The following LINGO2 variants were observed in gnomAD, a reference collection of about 807,000 sequenced individuals.
LINGO2 encodes the protein leucine-rich repeat and immunoglobulin-like domain-containing nogo receptor-interacting protein 2.
In LINGO2, 14 loss-of-function variants were observed where a neutral mutation model predicts 30.6. The observed-to-expected ratio is 0.46, with a 90% confidence interval of 0.30 to 0.72. The LOEUF (loss-of-function observed/expected upper bound fraction) is 0.72. Among genes scored for constraint, LINGO2 ranks in the 30% least tolerant of loss-of-function variants. The pLI is 0.07. For synonymous variants in LINGO2, 317 were observed against 288.5 expected, an observed-to-expected ratio of 1.10 and a Z score of -1.00; for missense variants, 729 against 751.7, an observed-to-expected ratio of 0.97 and a Z score of 0.35.
chr9:28,168,498 G>A (rs1828494331), intron 4 of LINGO2, among the ~76,000 whole-genome samples: 1 of 152,130 alleles, frequency 6.6e-6, no homozygotes, highest in Non-Finnish European at 1.5e-5. Context: ...TGTTTGTTAA[G>A]GAGCTAAAGT....
chr9:27,999,187 A>T (rs77890824), intron 5 of LINGO2, among the ~76,000 whole-genome samples: 1 of 151,970 alleles, frequency 6.6e-6, no homozygotes, highest in South Asian at 2.1e-4. Context: ...GCAAAAAAAA[A>T]CCCAACACTG....
At chr9:29,184,316 A>T in the LINGO2 span, among the ~76,000 whole-genome samples, 1 of 152,170 alleles carries the variant, frequency 6.6e-6, no homozygotes, top group East Asian at 1.9e-4. Context: ...ACTAAAAAAA[A>T]AAAACTTCAT....
At chr9:28,873,144 G>A in the LINGO2 span, among the ~76,000 whole-genome samples, 4 of 151,862 alleles carry the variant, frequency 2.6e-5, no homozygotes, top group South Asian at 2.1e-4. Context: ...CGAGGTGGGC[G>A]GATCACTTGA....
intron 3 of LINGO2, among the ~76,000 whole-genome samples, chr9:28,349,169 GAGA>G (rs1363744034): frequency 6.6e-6 from 1 of 152,228 alleles, no homozygotes; most frequent in Non-Finnish European, 1.5e-5. Flanking sequence ...GACGAGCTGA[GAGA>G]AGAAGGCTTC....
At chr9:28,690,982 T>C in the LINGO2 span, among the ~76,000 whole-genome samples, 1 of 152,190 alleles carries the variant, frequency 6.6e-6, no homozygotes, top group Non-Finnish European at 1.5e-5. Flanking sequence ...TAGATGGTGT[T>C]GTAGATGGAG....
chr9:27,960,999 C>T (rs1012188291), intron 5 of LINGO2, among the ~76,000 whole-genome samples: 3 of 152,072 alleles, frequency 2.0e-5, no homozygotes, highest in Non-Finnish European at 2.9e-5. Context: ...TATAATTTTT[C>T]AACTTTACAA....
In LINGO2 at chr9:28,148,727, G is replaced by A; in HGVS notation, c.-86-136322C>T. 1 of 1,533,774 alleles carries A rather than the reference G, an allele frequency of 6.5e-7. No individual in the cohort carries two copies. The highest frequency in any genetic ancestry group is 1.2e-5 in the South Asian group (1 of 83,948). On this transcript the variant is annotated intron_variant, in intron 4 of 5. Coordinates refer to ENST00000379992, the Ensembl canonical transcript of LINGO2. This position sits in a 1 kb window ranked among gnomAD's most constrained non-coding sequence, Gnocchi z 5.1. ...CGCCAGTTCACACAGCCCTGCTGGAGGCATCCTTCCCTTTGGGAAGCCTGA... is the reference window on the plus strand; with the variant it reads ...CGCCAGTTCACACAGCCCTGCTGGAAGCATCCTTCCCTTTGGGAAGCCTGA...
chr9:28,083,126 T>A (rs1390618869), intron 4 of LINGO2, among the ~76,000 whole-genome samples: 1 of 152,166 alleles, frequency 6.6e-6, no homozygotes, highest in Non-Finnish European at 1.5e-5. Context: ...ATGCTGAGAC[T>A]CACATGCATT....
intron 4 of LINGO2, among the ~76,000 whole-genome samples, chr9:28,292,853 C>T (rs1212645647): frequency 1.3e-5 from 2 of 151,956 alleles, no homozygotes; most frequent in Non-Finnish European, 2.9e-5. Flanking sequence ...TCACTGCAAG[C>T]TCTGCCTCCC....
intron 3 of LINGO2, among the ~76,000 whole-genome samples, chr9:28,299,572 C>G (rs1438338696): frequency 6.6e-6 from 1 of 151,916 alleles, no homozygotes; most frequent in East Asian, 1.9e-4. Context: ...TATGTAGTTT[C>G]TTTTTAATTG....
At chr9:28,563,842 C>T (rs913538812) in intron 1 of LINGO2, among the ~76,000 whole-genome samples, 6 of 152,094 alleles carry the variant, frequency 3.9e-5, no homozygotes, top group Admixed American at 2.0e-4. Flanking sequence ...TAAACCACCT[C>T]CTGAGTTGTT....
At chr9:28,467,575 C>G (rs1381924660) in intron 2 of LINGO2, among the ~76,000 whole-genome samples, 1 of 152,132 alleles carries the variant, frequency 6.6e-6, no homozygotes, top group Admixed American at 6.5e-5. Flanking sequence ...TAGCTTATAA[C>G]ACTGTTGCTT....
chr9:28,330,695 T>C (rs1389569968), intron 3 of LINGO2, among the ~76,000 whole-genome samples: 1 of 152,168 alleles, frequency 6.6e-6, no homozygotes, highest in South Asian at 2.1e-4. Context: ...CACCTGGACA[T>C]GGTGGGCAGG....
the LINGO2 span, among the ~76,000 whole-genome samples, chr9:28,949,634 A>G: frequency 6.6e-6 from 1 of 152,172 alleles, no homozygotes; most frequent in Non-Finnish European, 1.5e-5. Flanking sequence ...TATCAACCAA[A>G]AAAAGCCCAG....
the LINGO2 span, among the ~76,000 whole-genome samples, chr9:28,740,363 T>C: frequency 6.6e-6 from 1 of 151,928 alleles, no homozygotes; most frequent in African/African-American, 2.4e-5. Context: ...TATCCATGTA[T>C]ATTTTTGAAT....
intron 1 of LINGO2, among the ~76,000 whole-genome samples, chr9:28,628,791 C>T (rs986190196): frequency 2.6e-5 from 4 of 151,974 alleles, no homozygotes; most frequent in African/African-American, 9.7e-5. Context: ...AATTAGCTTC[C>T]TCAGCAATGA....
At chr9:29,142,047 C>T in the LINGO2 span, among the ~76,000 whole-genome samples, 3 of 151,766 alleles carry the variant, frequency 2.0e-5, no homozygotes, top group Non-Finnish European at 4.4e-5. Flanking sequence ...ACACTCTAGA[C>T]CAAATGAACC....
At chr9:28,767,785 CAAAA>C in the LINGO2 span, among the ~76,000 whole-genome samples, 1 of 97,104 alleles carries the variant, frequency 1.0e-5, no homozygotes, top group African/African-American at 3.6e-5. Flanking sequence ...GACTCCATTT[CAAAA>C]AAAAAAAAAA....
intron 2 of LINGO2, among the ~76,000 whole-genome samples, chr9:28,433,966 T>TATATATATATATATATATATATATACAC (rs752778212): frequency 1.0e-5 from 1 of 100,058 alleles, no homozygotes; most frequent in Non-Finnish European, 2.4e-5. Flanking sequence ...TATATATATA[T>TATATATATATATATATATATATATACAC]ACACACACAC....
Sources: gnomAD v4.1 joint callset for allele counts (sites outside exome capture counted in the v4.1 genomes callset) on GRCh38, gnomAD v4.1.1 for gene constraint, Gnocchi (gnomAD v3.1) non-coding constraint, MANE v1.5 for transcripts, NCBI Gene and HGNC (gene_info 2026-07-23, HGNC 2026-07-21) for gene names.